Variants in PTPRD observed in about 807,000 individuals in gnomAD.
The protein encoded by PTPRD is protein tyrosine phosphatase receptor type D.
In PTPRD, 34 loss-of-function variants were observed where a neutral mutation model predicts 214.5. The ratio of observed to expected loss-of-function variants is 0.16; its 90% CI spans 0.12 to 0.21. PTPRD has a LOEUF of 0.21. Ranked by LOEUF, PTPRD falls within the 10% of genes least tolerant of loss-of-function variation. The pLI is 1.00. For missense variants in PTPRD, 2,545 were observed against 2,398.7 expected (o/e 1.06, Z -1.27); for synonymous variants, 1,128 against 845.7 (o/e 1.33, Z -5.79).
chr9:10,257,800 G>A (rs1324740282), intron 3 of PTPRD, among the ~76,000 whole-genome samples: 4 of 152,126 alleles, frequency 2.6e-5, no homozygotes, highest in African/African-American at 9.7e-5. Context: ...AGGTAAATGG[G>A]CTAAATAATA....
chr9:8,650,242 A>G (rs1276025344), intron 12 of PTPRD, among the ~76,000 whole-genome samples: 1 of 151,488 alleles, frequency 6.6e-6, no homozygotes, highest in Non-Finnish European at 1.5e-5. Context: ...AAGAATGTGG[A>G]TATGTGGACG....
chr9:9,762,963 T>C (rs1329338898), intron 6 of PTPRD, among the ~76,000 whole-genome samples: 2 of 152,184 alleles, frequency 1.3e-5, no homozygotes, highest in Non-Finnish European at 2.9e-5. Context: ...TCTGAAGCTC[T>C]TCTCTTGGCT....
intron 2 of PTPRD, among the ~76,000 whole-genome samples, chr9:10,347,508 T>C (rs924231303): frequency 6.6e-6 from 1 of 151,320 alleles, no homozygotes. Context: ...CCCCCTGGGT[T>C]CAAGCAATTC....
At chr9:10,110,241 A>C (rs1245981831) in intron 3 of PTPRD, among the ~76,000 whole-genome samples, 1 of 152,230 alleles carries the variant, frequency 6.6e-6, no homozygotes, top group Non-Finnish European at 1.5e-5. Flanking sequence ...TAGCTCCTAC[A>C]TTCCAGGCTC....
chr9:9,377,386 CTTAAA>C (rs2061072603), intron 9 of PTPRD, among the ~76,000 whole-genome samples: 1 of 151,994 alleles, frequency 6.6e-6, no homozygotes. Flanking sequence ...CATCAAGCAT[CTTAAA>C]TTAAAACATT....
intron 10 of PTPRD, among the ~76,000 whole-genome samples, chr9:9,058,428 G>A (rs183516233): frequency 7.2e-6 from 1 of 138,816 alleles, no homozygotes; most frequent in Non-Finnish European, 1.5e-5. Flanking sequence ...ATTGGTGAGA[G>A]AAATATTATG....
At chr9:10,504,428 C>G (rs1014934812) in intron 2 of PTPRD, among the ~76,000 whole-genome samples, 1 of 152,050 alleles carries the variant, frequency 6.6e-6, no homozygotes, top group Non-Finnish European at 1.5e-5. Context: ...AATTTCCATG[C>G]AAATGAAAGT....
rs34342718 is a variant in PTPRD, at chr9:8,940,280, C to CTTTTTTTT, written c.-104+78409_-104+78416dup. 4.3e-3 allele frequency among the ~76,000 whole-genome samples: 379 copies of CTTTTTTTT among 88,988 alleles called. 13 individuals carry two copies. Among genetic ancestry groups the CTTTTTTTT allele is most frequent in the Non-Finnish European group, 5.8e-3 (283 of 48,684 alleles). The allele number at this position is 88,988 out of a possible 152,430, so 58.4% of individuals were successfully genotyped here. ...TCACACATCTCTCTCTCTCTCTCTC[C>CTTTTTTTT]TTTTTTTTTTTTTTTTTTTTGAGAT... is the stretch of plus-strand genomic sequence containing the variant. On this transcript the variant is annotated intron_variant, in intron 11 of 45. Transcript: ENST00000381196.
At chr9:10,256,484 T>C (rs944422164) in intron 3 of PTPRD, among the ~76,000 whole-genome samples, 1 of 152,042 alleles carries the variant, frequency 6.6e-6, no homozygotes, top group African/African-American at 2.4e-5. Context: ...TTTAGCTCCA[T>C]TATAATCTTA....
At chr9:8,898,344 G>A (rs954260472) in intron 11 of PTPRD, among the ~76,000 whole-genome samples, 1 of 152,084 alleles carries the variant, frequency 6.6e-6, no homozygotes, top group African/African-American at 2.4e-5. Context: ...AGAGGGGAAG[G>A]AGAAGAAAAC....
At chr9:8,634,379 AT>A (rs2096360104) in intron 13 of PTPRD, among the ~76,000 whole-genome samples, 1 of 152,026 alleles carries the variant, frequency 6.6e-6, no homozygotes, top group Non-Finnish European at 1.5e-5. Context: ...CACTGTGAAT[AT>A]TCCCATGTGC....
At chr9:9,720,471 C>T (rs6477410) in intron 7 of PTPRD, among the ~76,000 whole-genome samples, 64,998 of 151,818 alleles carry the variant, frequency 0.43, 16,291 homozygotes, top group African/African-American at 0.69. Flanking sequence ...GACATGAAGC[C>T]GAAAGTCAGA....
chr9:9,653,332 G>A (rs1292678714), intron 7 of PTPRD, among the ~76,000 whole-genome samples: 1 of 104,402 alleles, frequency 9.6e-6, no homozygotes, highest in Non-Finnish European at 1.7e-5. Context: ...CTGGGCGACA[G>A]AGCGAGACTC....
chr9:9,583,239 C>G (rs2091219447), intron 7 of PTPRD, among the ~76,000 whole-genome samples: 1 of 152,012 alleles, frequency 6.6e-6, no homozygotes, highest in African/African-American at 2.4e-5. Context: ...AAAATAACAT[C>G]AAACAACTCA....
chr9:9,699,524 A>G (rs2097449908), intron 7 of PTPRD, among the ~76,000 whole-genome samples: 1 of 152,130 alleles, frequency 6.6e-6, no homozygotes, highest in African/African-American at 2.4e-5. Context: ...AGTTAAATCA[A>G]ATTAGAACTC....
At chr9:8,940,868 G>C (rs996196497) in intron 11 of PTPRD, among the ~76,000 whole-genome samples, 2 of 151,488 alleles carry the variant, frequency 1.3e-5, no homozygotes, top group African/African-American at 4.9e-5. Context: ...TGTTCACAAG[G>C]CCAACCATAC....
At chr9:8,722,497 G>A (rs1398031755) in intron 12 of PTPRD, among the ~76,000 whole-genome samples, 1 of 97,026 alleles carries the variant, frequency 1.0e-5, no homozygotes, top group Admixed American at 9.1e-5. Context: ...AACAATAAAG[G>A]GTTTTTTTTT....
At chr9:9,564,568 A>G (rs1026651153) in intron 8 of PTPRD, among the ~76,000 whole-genome samples, 4 of 152,076 alleles carry the variant, frequency 2.6e-5, no homozygotes, top group Non-Finnish European at 5.9e-5. Flanking sequence ...AATTGTGAGA[A>G]CCTTTGGGTT....
At position 9,828,416 on chromosome 9, in the gene PTPRD, C is replaced by G. The variant is rs1598962981; in HGVS notation, c.-367-61565G>C. On this transcript the variant is annotated intron_variant, in intron 5 of 45. Transcript: ENST00000381196. ...TATCACAAGGACAAAAAACCAAACA[C>G]TGCATGTTCTCACTCATAGGTGGGA... Among the ~76,000 whole-genome samples, 4 of 152,200 alleles carry G rather than the reference C, an allele frequency of 2.6e-5. No individual in the cohort carries two copies. The South Asian group carries it at 8.3e-4, about 32-fold the overall frequency.
Sources: gnomAD v4.1 joint callset for allele counts (sites outside exome capture counted in the v4.1 genomes callset) on GRCh38, gnomAD v4.1.1 for gene constraint, MANE v1.5 for transcripts, NCBI Gene and HGNC (gene_info 2026-07-23, HGNC 2026-07-21) for gene names.